ALDH7A1: variants seen among roughly 807,000 people sequenced by gnomAD.
The protein encoded by ALDH7A1 is aldehyde dehydrogenase 7 family member A1, also known as alpha-aminoadipic semialdehyde dehydrogenase.
ALDH7A1 carries 63 observed loss-of-function variants against 79.9 expected under a neutral mutation model. The ratio of observed to expected loss-of-function variants is 0.79; its 90% CI spans 0.64 to 0.97. ALDH7A1 has a LOEUF of 0.97. ALDH7A1 is among the 50% of genes least tolerant of loss of function. ALDH7A1 has a pLI of 0.00. For synonymous variants in ALDH7A1, 240 were observed against 231.2 expected, an observed-to-expected ratio of 1.04 and a Z score of -0.34; for missense variants, 627 against 665.2, an observed-to-expected ratio of 0.94 and a Z score of 0.63.
At position 126,595,097 on chromosome 5, in the gene ALDH7A1, G is replaced by C. The variant is rs773484446; in HGVS notation, c.102C>G (p.Ile34Met). The C allele has an allele frequency of 3.1e-6, 5 of 1,598,364 alleles. No homozygotes were observed. The South Asian group carries it at 5.7e-5, about 18-fold the overall frequency. Residue 34 changes from isoleucine to methionine, a missense_variant, in exon 1 of 18, where the codon ATC (isoleucine) becomes ATG (methionine). Ile to Met is a conservative substitution (Grantham distance 10). Coordinates refer to ENST00000409134, the MANE Select transcript of ALDH7A1 (RefSeq NM_001182.5). ...TCAGCCACGCATACTGGGGCTGATTGATGAGGAGAGTGGACATGAAGGCGG... is the reference window on the plus strand; with the variant it reads ...TCAGCCACGCATACTGGGGCTGATTCATGAGGAGAGTGGACATGAAGGCGG... Reference protein sequence around the residue: ...RPAAFMSTLLINQPQYAWLKE... With the variant: ...RPAAFMSTLLMNQPQYAWLKE...
intron 3 of ALDH7A1, among the ~76,000 whole-genome samples, chr5:126,585,950 T>C (rs1751346859): frequency 6.6e-6 from 1 of 152,160 alleles, no homozygotes; most frequent in South Asian, 2.1e-4. Flanking sequence ...GTGCTGTTTC[T>C]AGTAAAGAAA....
At chr5:126,561,689 C>CCTGA (rs1750410565) in intron 9 of ALDH7A1, 1 of 152,160 alleles carries the variant, frequency 6.6e-6, no homozygotes, top group African/African-American at 2.4e-5. Context: ...ACCAAACCAC[C>CCTGA]CTGAGCGTGC....
At chr5:126,559,414 G>GT in intron 10 of ALDH7A1, 80 bp from the exon 11 acceptor site, 1 of 703,046 alleles carries the variant, frequency 1.4e-6, no homozygotes, top group South Asian at 1.6e-5. Context: ...AAACAATGTT[G>GT]TTTTTTGTTT....
chr5:126,550,102 C>T, intron 15 of ALDH7A1, 94 bp downstream of exon 15: 3 of 1,540,666 alleles, frequency 1.9e-6, no homozygotes, highest in Non-Finnish European at 2.7e-6. Context: ...GCTTTCAATA[C>T]TGAAAAACTG....
At chr5:126,554,062 T>A (rs570599582) in intron 13 of ALDH7A1, among the ~76,000 whole-genome samples, 1 of 150,448 alleles carries the variant, frequency 6.6e-6, no homozygotes, top group Non-Finnish European at 1.5e-5. Flanking sequence ...GAGCCAAGAT[T>A]GCGCCACTGC....
chr5:126,555,479 T>G, intron 12 of ALDH7A1: 1 of 114,518 alleles, frequency 8.7e-6, no homozygotes. Flanking sequence ...TGAAACTGTG[T>G]CTCAAAAAAA....
intron 1 of ALDH7A1, chr5:126,593,895 C>T (rs1450789251): frequency 7.4e-6 from 2 of 270,332 alleles, no homozygotes; most frequent in African/African-American, 2.2e-5. Flanking sequence ...GATCAGATAC[C>T]ACACGGAAAT....
chr5:126,594,357 A>G (rs992186253), intron 1 of ALDH7A1: 1 of 447,632 alleles, frequency 2.2e-6, no homozygotes, highest in Non-Finnish European at 4.7e-6. Flanking sequence ...GCCAGAGTTA[A>G]GCTCTAAATT....
chr5:126,594,537 C>G, intron 1 of ALDH7A1: 1 of 279,516 alleles, frequency 3.6e-6, no homozygotes, highest in Non-Finnish European at 7.1e-6. Flanking sequence ...CTCCACCTCC[C>G]GGGTTCAAGC....
chr5:126,544,959 A>C lies in ALDH7A1; in HGVS notation c.*6T>G, dbSNP rs776690396. 1.0e-5 allele frequency: 16 copies of C among 1,604,662 alleles called. No individual in the cohort carries two copies. Among genetic ancestry groups the C allele is most frequent in the Middle Eastern group, 1.7e-4 (1 of 5,950 alleles). ...TCAAATTAAGGGATGTTCATCTAAA[A>C]CACCTTTACTGAAACTTGATTCCTT... On this transcript the variant is annotated 3_prime_UTR_variant, in exon 18 of 18. Transcript: ENST00000409134.
At position 126,554,378 on chromosome 5, in the gene ALDH7A1, C is replaced by A; in HGVS notation, c.1109G>T (p.Gly370Val). 1 of 1,613,990 alleles carries A rather than the reference C, an allele frequency of 6.2e-7. No individual in the cohort carries two copies. Among genetic ancestry groups the A allele is most frequent in the Non-Finnish European group, 8.5e-7 (1 of 1,179,970 alleles). Residue 370 changes from glycine (G) to valine (V), a missense_variant, in exon 13 of 18, where the codon GGG becomes GTG. Gly to Val is a moderately radical substitution (Grantham distance 109). Transcript: ENST00000409134. ...GNPWDPNVLY[G>V]PLHTKQAVSM... ...CACTGCCTGCTTGGTGTGGAGTGGC[C>A]CATAGAGAACATTAGCTGGAGAGAG...
chr5:126,559,137 G>A, intron 11 of ALDH7A1, 103 bp downstream of exon 11: 2 of 910,090 alleles, frequency 2.2e-6, no homozygotes, highest in South Asian at 2.7e-5. Context: ...CATCTAGAGA[G>A]CATGTTGTTC....
chr5:126,564,433 C>A, intron 9 of ALDH7A1: 1 of 838,186 alleles, frequency 1.2e-6, no homozygotes, highest in Non-Finnish European at 1.6e-6. Context: ...CAGACGTGAG[C>A]CACTGTGCCC....
chr5:126,592,436 T>C (rs1581405770), intron 3 of ALDH7A1: 4 of 575,210 alleles, frequency 7.0e-6, no homozygotes, highest in South Asian at 2.2e-5. Flanking sequence ...TTTTAATTCA[T>C]TTAAATTTAT....
intron 13 of ALDH7A1, among the ~76,000 whole-genome samples, chr5:126,552,813 C>T (rs1750049758): frequency 1.3e-5 from 2 of 151,192 alleles, no homozygotes; most frequent in South Asian, 2.1e-4. Flanking sequence ...GCAGTGACAT[C>T]ATCATGACTC....
chr5:126,559,329 C>A lies in ALDH7A1; in HGVS notation c.919G>T (p.Glu307Ter). ...ACAACTAAGCTGAGGTCTGCATCTTCAAAGGCTTAGGAAAGCACAAACACT... is the reference window on the plus strand; with the variant it reads ...ACAACTAAGCTGAGGTCTGCATCTTAAAAGGCTTAGGAAAGCACAAACACT... ...LGGNNAIIAFEDADLSLVVPS... is the reference protein window; with the variant it reads ...LGGNNAIIAF The change falls in exon 11 of 18, where the codon GAA becomes TAA. Residue 307 changes from glutamate (E) to a stop codon, truncating the protein, a stop_gained. Coordinates refer to ENST00000409134, the MANE Select transcript of ALDH7A1 (RefSeq NM_001182.5). LOFTEE classifies it high-confidence loss of function. The A allele has an allele frequency of 6.2e-7, 1 of 1,612,342 alleles. No individual in the cohort carries two copies. The highest frequency in any genetic ancestry group is 8.5e-7 in the Non-Finnish European group (1 of 1,178,990).
chr5:126,568,545 C>A, intron 8 of ALDH7A1, 189 bp from the exon 9 acceptor site: 1 of 611,990 alleles, frequency 1.6e-6, no homozygotes, highest in Non-Finnish European at 2.9e-6. Context: ...AACCATTAGG[C>A]AGAAGAGGCT....
chr5:126,560,619 ATAGGT>A (rs1750371331), intron 10 of ALDH7A1, among the ~76,000 whole-genome samples: 1 of 147,802 alleles, frequency 6.8e-6, no homozygotes, highest in African/African-American at 2.5e-5. Flanking sequence ...CTCTAAGCCT[ATAGGT>A]AAGTGATTTT....
At position 126,550,022 on chromosome 5, in the gene ALDH7A1, T is replaced by C. The variant is rs1331412786; in HGVS notation, c.1416-20A>G. 7.5e-6 allele frequency: 12 copies of C among 1,609,772 alleles called. No homozygotes were observed. Among genetic ancestry groups the C allele is most frequent in the African/African-American group, 5.3e-5 (4 of 74,826 alleles). On this transcript the variant is annotated intron_variant, in intron 15 of 17. Transcript: ENST00000409134. ...TTAGGTCTGTGTAAAAAGGGAGGCA[T>C]GGTGAGAGCAATGAACAGGAAATTA...
Sources: gnomAD v4.1 joint callset for allele counts (sites outside exome capture counted in the v4.1 genomes callset) on GRCh38, gnomAD v4.1.1 for gene constraint, MANE v1.5 for transcripts, NCBI Gene and HGNC (gene_info 2026-07-23, HGNC 2026-07-21) for gene names.